The following GNG2 variants were observed in gnomAD, a reference collection of about 807,000 sequenced individuals.
GNG2 encodes the protein guanine nucleotide-binding protein G(I)/G(S)/G(O) subunit gamma-2.
GNG2 carries 5 observed loss-of-function variants against 5.5 expected under a neutral mutation model. That is an observed-to-expected ratio of 0.91 (90% confidence interval 0.48 to 1.92). The LOEUF (loss-of-function observed/expected upper bound fraction) is 1.92. Ranked by LOEUF, GNG2 falls within the 30% of genes most tolerant of loss-of-function variation. The pLI, the probability that GNG2 is intolerant of heterozygous loss-of-function variation, is 0.01. For missense variants in GNG2, 55 were observed against 88.4 expected (o/e 0.62, Z 1.52); for synonymous variants, 28 against 32.0 (o/e 0.88, Z 0.42).
chr14:51,827,891 A>G (rs1400251965), intron 2 of GNG2: 2 of 613,040 alleles, frequency 3.3e-6, no homozygotes, highest in Non-Finnish European at 5.8e-6. Flanking sequence ...TGGTGGAAAG[A>G]GTAAAGAGCT....
chr14:51,836,142 T>A (rs1440730416), intron 2 of GNG2, among the ~76,000 whole-genome samples: 1 of 151,790 alleles, frequency 6.6e-6, no homozygotes, highest in Non-Finnish European at 1.5e-5. Flanking sequence ...AGAGGAGAGA[T>A]CATGATCATC....
At chr14:51,883,455 G>T (rs556441230) in intron 2 of GNG2, among the ~76,000 whole-genome samples, 1 of 152,154 alleles carries the variant, frequency 6.6e-6, no homozygotes, top group Non-Finnish European at 1.5e-5. Flanking sequence ...CTGTAAAATG[G>T]TATGCTTCCT....
intron 3 of GNG2, among the ~76,000 whole-genome samples, chr14:51,953,361 A>G (rs1011210089): frequency 6.6e-6 from 1 of 152,322 alleles, no homozygotes; most frequent in East Asian, 1.9e-4. Context: ...GAAGACTACA[A>G]AAAAATTGAA....
At chr14:51,902,322 A>T (rs2140182591) in intron 2 of GNG2, among the ~76,000 whole-genome samples, 2 of 152,346 alleles carry the variant, frequency 1.3e-5, no homozygotes, top group Middle Eastern at 6.8e-3. Flanking sequence ...TATTCAAGCT[A>T]AAAAGATGGC....
rs79707903 is a variant in GNG2 at position 51,969,215 on chromosome 14, A to G, written c.*2528A>G. ...TCTACATATAATATATTCGATAGAAATGAAAATCTGCCGTGGAATTAACTA... is the reference window on the plus strand; with the variant it reads ...TCTACATATAATATATTCGATAGAAGTGAAAATCTGCCGTGGAATTAACTA... On this transcript the variant is annotated 3_prime_UTR_variant, in exon 4 of 4. Transcript: ENST00000556766. 4 of 152,210 alleles carry G rather than the reference A, an allele frequency of 2.6e-5. No homozygotes were observed. The highest frequency in any genetic ancestry group is 9.7e-5 in the African/African-American group (4 of 41,450). The allele number at this position is 152,210 out of a possible 1,614,324, so 9.4% of individuals were successfully genotyped here. A position where few individuals can be genotyped will look rare whatever the true frequency, so the allele number is the denominator to read the frequency against.
At chr14:51,946,575 C>T (rs1888656758) in intron 2 of GNG2, among the ~76,000 whole-genome samples, 2 of 152,162 alleles carry the variant, frequency 1.3e-5, no homozygotes, top group African/African-American at 2.4e-5. Context: ...CACAATCTCA[C>T]GCTGCTCCAG....
chr14:51,836,275 T>G (rs1222538758), intron 2 of GNG2, among the ~76,000 whole-genome samples: 1 of 151,978 alleles, frequency 6.6e-6, no homozygotes, highest in Non-Finnish European at 1.5e-5. Flanking sequence ...CTTCAACATA[T>G]GAATTAGTGG....
intron 2 of GNG2, among the ~76,000 whole-genome samples, chr14:51,908,564 A>ATC (rs1886094330): frequency 2.1e-5 from 3 of 141,728 alleles, no homozygotes; most frequent in Non-Finnish European, 4.6e-5. Flanking sequence ...CTATCTATCC[A>ATC]TATATATAGA....
intron 2 of GNG2, among the ~76,000 whole-genome samples, chr14:51,878,442 C>T (rs1883823323): frequency 6.6e-6 from 1 of 152,190 alleles, no homozygotes; most frequent in African/African-American, 2.4e-5. Flanking sequence ...CTACCTACTT[C>T]TCTTCTTTCC....
intron 2 of GNG2, among the ~76,000 whole-genome samples, chr14:51,904,973 T>A (rs1016314133): frequency 6.6e-6 from 1 of 152,222 alleles, no homozygotes; most frequent in Non-Finnish European, 1.5e-5. Flanking sequence ...TCTTGACAGA[T>A]AAATGTAAAT....
chr14:51,958,216 C>G (rs759083749), intron 3 of GNG2, among the ~76,000 whole-genome samples: 1 of 152,152 alleles, frequency 6.6e-6, no homozygotes. Flanking sequence ...GTTTTTGGCA[C>G]AGAAAGATGT....
intron 2 of GNG2, among the ~76,000 whole-genome samples, chr14:51,883,708 C>T (rs2140145451): frequency 6.6e-6 from 1 of 152,140 alleles, no homozygotes; most frequent in East Asian, 1.9e-4. Context: ...TTTATTTTAG[C>T]TGATTAGGTG....
Position 51,894,205 on chromosome 14 carries a change from A to T in GNG2, c.-30+16548A>T, listed in dbSNP as rs192192464. On this transcript the variant is annotated intron_variant, in intron 2 of 3. Transcript: ENST00000556766. ...GACTTTTTTATATTTTGCGGTTTCC[A>T]TCTGGAAAACATGCTTCTCAATTCA... Among the ~76,000 whole-genome samples the T allele has an allele frequency of 2.0e-5, 3 of 152,246 alleles. No homozygotes were observed. The East Asian group carries it at 5.8e-4, about 29-fold the overall frequency.
At chr14:51,887,809 T>C (rs968100393) in intron 2 of GNG2, among the ~76,000 whole-genome samples, 37 of 152,312 alleles carry the variant, frequency 2.4e-4, no homozygotes, top group African/African-American at 8.9e-4. Flanking sequence ...TAATTGAAAT[T>C]ATATATGCAA....
chr14:51,898,625 A>C (rs1363321197), intron 2 of GNG2, among the ~76,000 whole-genome samples: 1 of 152,236 alleles, frequency 6.6e-6, no homozygotes, highest in African/African-American at 2.4e-5. Flanking sequence ...CTTTGTCTGA[A>C]TTAAAAATAA....
intron 2 of GNG2, among the ~76,000 whole-genome samples, chr14:51,836,989 CT>C (rs909355895): frequency 6.6e-6 from 1 of 151,530 alleles, no homozygotes; most frequent in African/African-American, 2.4e-5. Context: ...TCCAAAGTAG[CT>C]AGGATTATAG....
At position 51,877,650 on chromosome 14, in the gene GNG2, C is replaced by G. The variant is rs1883763717; in HGVS notation, c.-37C>G. ...GCCAGTGAGCCTCAGGCTTTAGGAA[C>G]TGAAGAGGTAAGAATTCCAAAATAT... On this transcript the variant is annotated 5_prime_UTR_variant, in exon 2 of 4. Coordinates refer to ENST00000556766, the MANE Select transcript of GNG2 (RefSeq NM_053064.5). The G allele has an allele frequency of 2.2e-6, 1 of 455,238 alleles. No homozygotes were observed. 28.2% of individuals were successfully genotyped at this position (455,238 alleles called of 1,614,324 possible).
chr14:51,867,182 C>T (rs898495843), intron 1 of GNG2, among the ~76,000 whole-genome samples: 5 of 152,144 alleles, frequency 3.3e-5, no homozygotes, highest in Non-Finnish European at 7.4e-5. Context: ...TCTCAAGATA[C>T]GAGTCTTTGG....
intron 2 of GNG2, among the ~76,000 whole-genome samples, chr14:51,833,156 G>A (rs1953868): frequency 6.6e-6 from 1 of 151,948 alleles, no homozygotes; most frequent in Non-Finnish European, 1.5e-5. Flanking sequence ...AAGAAAGATA[G>A]ATAATGAATA....
Sources: allele counts gnomAD v4.1 joint callset (sites outside exome capture counted in the v4.1 genomes callset), GRCh38; gene constraint gnomAD v4.1.1; transcripts MANE v1.5; gene names NCBI Gene and HGNC (gene_info 2026-07-23, HGNC 2026-07-21).